PRKAR2A: variants seen among roughly 807,000 people sequenced by gnomAD.
The protein encoded by PRKAR2A is protein kinase cAMP-dependent type II regulatory subunit alpha.
A neutral mutation model predicts 51.9 loss-of-function variants in PRKAR2A; 29 were observed. The ratio of observed to expected loss-of-function variants is 0.56; its 90% CI spans 0.42 to 0.76. PRKAR2A has a LOEUF of 0.76. Among genes scored for constraint, PRKAR2A ranks in the 30% least tolerant of loss-of-function variants. The pLI, the probability that PRKAR2A is intolerant of heterozygous loss-of-function variation, is 0.00. For missense variants in PRKAR2A, 445 were observed against 512.1 expected (o/e 0.87, Z 1.26); for synonymous variants, 178 against 186.2 (o/e 0.96, Z 0.36).
chr3:48,790,446 C>A (rs760317517), intron 4 of PRKAR2A, 98 bp downstream of exon 4: 2 of 729,274 alleles, frequency 2.7e-6, no homozygotes, highest in Non-Finnish European at 4.3e-6. Flanking sequence ...ATGCTTAACA[C>A]GGCTGTGGCT....
chr3:48,770,188 T>C (rs1425669189), intron 6 of PRKAR2A, among the ~76,000 whole-genome samples: 2 of 152,104 alleles, frequency 1.3e-5, no homozygotes, highest in Non-Finnish European at 2.9e-5. Context: ...GACATCAACA[T>C]AGCCTTTGAT....
chr3:48,752,763 A>G (rs532333452), intron 9 of PRKAR2A, among the ~76,000 whole-genome samples: 6 of 151,844 alleles, frequency 4.0e-5, no homozygotes, highest in Non-Finnish European at 8.8e-5. Context: ...CAGAGGAATG[A>G]TCACAGCTCA....
At chr3:48,833,611 G>A (rs2083230827) in intron 1 of PRKAR2A, among the ~76,000 whole-genome samples, 1 of 151,330 alleles carries the variant, frequency 6.6e-6, no homozygotes, top group African/African-American at 2.4e-5. Flanking sequence ...TCGGGAGGCT[G>A]AGGCAAGAGA....
At position 48,847,191 on chromosome 3, in the gene PRKAR2A, G is replaced by C; in HGVS notation, c.262+144C>G. 1 of 1,087,770 alleles carries C rather than the reference G, an allele frequency of 9.2e-7. No homozygotes were observed. The highest frequency in any genetic ancestry group is 1.3e-6 in the Non-Finnish European group (1 of 780,248). The allele number at this position is 1,087,770 out of a possible 1,614,324, so 67.4% of individuals were successfully genotyped here. On this transcript the variant is annotated intron_variant, in intron 1 of 10. Transcript: ENST00000265563. This position sits in a 1 kb window ranked among gnomAD's most constrained non-coding sequence, Gnocchi z 4.4. ...CACGCGGGCTCACGCCGGTGTCTCA[G>C]GGAAACGCTAGAAACGCGGCTACAG... is the stretch of plus-strand genomic sequence containing the variant.
chr3:48,826,440 G>C (rs138185752), intron 1 of PRKAR2A, among the ~76,000 whole-genome samples: 80 of 152,258 alleles, frequency 5.3e-4, no homozygotes, highest in Non-Finnish European at 1.1e-3. Flanking sequence ...ACAAACTTCT[G>C]TCCCCTTTCC....
At chr3:48,790,730 G>A (rs1285057052) in intron 3 of PRKAR2A, 103 bp from the exon 4 acceptor site, 4 of 677,544 alleles carry the variant, frequency 5.9e-6, no homozygotes, top group Non-Finnish European at 9.0e-6. Context: ...AAAATAAAGA[G>A]CATGGTTTCT....
Position 48,751,232 on chromosome 3 carries a change from A to G in PRKAR2A, c.*353T>C, listed in dbSNP as rs2107185967. On this transcript the variant is annotated 3_prime_UTR_variant, in exon 11 of 11. Coordinates refer to ENST00000265563, the MANE Select transcript of PRKAR2A (RefSeq NM_004157.4). ...AGACCCTGTGGTAACTTCCAAAAGC[A>G]AGAGTAGCAGCAAGAGAGGAAAGGA... The G allele has an allele frequency of 2.2e-6, 1 of 464,862 alleles. No individual in the cohort carries two copies. Among genetic ancestry groups the G allele is most frequent in the Non-Finnish European group, 4.3e-6 (1 of 233,946 alleles). The allele number at this position is 464,862 out of a possible 1,614,324, so 28.8% of individuals were successfully genotyped here. A position where few individuals can be genotyped will look rare whatever the true frequency, so the allele number is the denominator to read the frequency against.
intron 1 of PRKAR2A, among the ~76,000 whole-genome samples, chr3:48,823,582 T>A (rs1177752876): frequency 6.6e-6 from 1 of 151,950 alleles, no homozygotes; most frequent in Non-Finnish European, 1.5e-5. Context: ...CTTGAACATC[T>A]TCCAGCCTGG....
rs149232722 is a variant in PRKAR2A at position 48,753,553 on chromosome 3, C to T, written c.940-1236G>A. Among the ~76,000 whole-genome samples, 49 of 152,296 alleles carry T rather than the reference C, an allele frequency of 3.2e-4. No homozygotes were observed. In the East Asian group the frequency reaches 3.5e-3, roughly 11 times the overall value. Reference sequence around the variant, plus strand: ...TTCATCTGAGCCAACTTTCCCTTTCCAATTTCAGTAGTATTCTCTGGAGTT... The same window carrying T: ...TTCATCTGAGCCAACTTTCCCTTTCTAATTTCAGTAGTATTCTCTGGAGTT... On this transcript the variant is annotated intron_variant, in intron 9 of 10. Coordinates refer to ENST00000265563, the MANE Select transcript of PRKAR2A (RefSeq NM_004157.4).
intron 1 of PRKAR2A, among the ~76,000 whole-genome samples, chr3:48,824,880 A>T (rs2083033983): frequency 6.6e-6 from 1 of 151,798 alleles, no homozygotes; most frequent in Admixed American, 6.6e-5. Context: ...CGGGAGGCGG[A>T]GGTTGCAGTG....
At chr3:48,773,147 T>C in intron 5 of PRKAR2A, 39 bp from the exon 6 acceptor site, 3 of 1,522,930 alleles carry the variant, frequency 2.0e-6, no homozygotes, top group Non-Finnish European at 2.7e-6. Flanking sequence ...TAGTTACTTC[T>C]GATAATAAAT....
chr3:48,831,463 C>A (rs2083186873), intron 1 of PRKAR2A, among the ~76,000 whole-genome samples: 2 of 148,610 alleles, frequency 1.3e-5, no homozygotes, highest in South Asian at 4.2e-4. Context: ...ACCTGCTGGG[C>A]TCAAGTTATC....
chr3:48,792,904 G>A lies in PRKAR2A; in HGVS notation c.351+1093C>T, dbSNP rs887770926. On this transcript the variant is annotated intron_variant, in intron 3 of 10. Transcript: ENST00000265563. ...AATTCACGTCACTGCACTCCAGCCC[G>A]GGCGACAGTGCGAGACTCTGTCTCA... 4.0e-5 allele frequency among the ~76,000 whole-genome samples: 6 copies of A among 151,832 alleles called. No homozygotes were observed. The East Asian group carries it at 7.8e-4, about 20-fold the overall frequency.
In PRKAR2A at chr3:48,793,774, G is replaced by A. The variant is rs144111173; in HGVS notation, c.351+223C>T. On this transcript the variant is annotated intron_variant, in intron 3 of 10. Coordinates refer to ENST00000265563, the MANE Select transcript of PRKAR2A (RefSeq NM_004157.4). The stretch of plus-strand genomic sequence containing the variant: ...CTCAAAGTGTTCGGATTACAGGTGT[G>A]AGCCACCACGCCCAGCCTGTTTAAG... 2.1e-4 allele frequency among the ~76,000 whole-genome samples: 32 copies of A among 152,236 alleles called. No homozygotes were observed. In the East Asian group the frequency reaches 6.2e-3, roughly 29 times the overall value.
chr3:48,765,960 C>T (rs1470345716), intron 6 of PRKAR2A, among the ~76,000 whole-genome samples: 3 of 152,106 alleles, frequency 2.0e-5, no homozygotes, highest in Non-Finnish European at 4.4e-5. Context: ...TGGCTCACTG[C>T]CTGTACTCCT....
chr3:48,835,906 A>C (rs2083276150), intron 1 of PRKAR2A, among the ~76,000 whole-genome samples: 1 of 152,162 alleles, frequency 6.6e-6, no homozygotes, highest in Admixed American at 6.5e-5. Context: ...AATCAAGACA[A>C]TGTGATATTA....
At chr3:48,764,126 G>C (rs1249834562) in intron 8 of PRKAR2A, among the ~76,000 whole-genome samples, 1 of 152,154 alleles carries the variant, frequency 6.6e-6, no homozygotes, top group East Asian at 1.9e-4. Flanking sequence ...GACCAACCAT[G>C]TATCTTCTCC....
chr3:48,820,558 C>A (rs2082945044), intron 1 of PRKAR2A, among the ~76,000 whole-genome samples: 1 of 152,152 alleles, frequency 6.6e-6, no homozygotes, highest in Non-Finnish European at 1.5e-5. Context: ...TAGTTATAAG[C>A]ATAGATTCTG....
chr3:48,816,809 T>C (rs746303721), intron 1 of PRKAR2A, among the ~76,000 whole-genome samples: 1 of 152,070 alleles, frequency 6.6e-6, no homozygotes, highest in South Asian at 2.1e-4. Context: ...AATGCAAGTT[T>C]AAAAGGAGAG....
Sources: allele counts gnomAD v4.1 joint callset (sites outside exome capture counted in the v4.1 genomes callset), GRCh38; gene constraint gnomAD v4.1.1; non-coding constraint Gnocchi (gnomAD v3.1); transcripts MANE v1.5; gene names NCBI Gene and HGNC (gene_info 2026-07-23, HGNC 2026-07-21).